CNTNAP2: variants seen among roughly 807,000 people sequenced by gnomAD.
The protein encoded by CNTNAP2 is contactin-associated protein-like 2.
CNTNAP2 carries 98 observed loss-of-function variants against 155.2 expected under a neutral mutation model. That is an observed-to-expected ratio of 0.63 (90% CI 0.54 to 0.75). The LOEUF (loss-of-function observed/expected upper bound fraction) is 0.75, where lower values mean the gene tolerates loss of function less well. Among genes scored for constraint, CNTNAP2 ranks in the 30% least tolerant of loss-of-function variants. The pLI is 0.00. For synonymous variants in CNTNAP2, 651 were observed against 631.2 expected, an observed-to-expected ratio of 1.03 and a Z score of -0.47; for missense variants, 1,727 against 1,688.1, an observed-to-expected ratio of 1.02 and a Z score of -0.40.
chr7:146,548,366 G>C (rs183742179), intron 1 of CNTNAP2, among the ~76,000 whole-genome samples: 1 of 151,826 alleles, frequency 6.6e-6, no homozygotes, highest in Non-Finnish European at 1.5e-5. Context: ...CTGGTCTATC[G>C]CAGATGGGCA....
chr7:146,356,448 T>C (rs1794999468), intron 1 of CNTNAP2, among the ~76,000 whole-genome samples: 1 of 151,948 alleles, frequency 6.6e-6, no homozygotes, highest in Non-Finnish European at 1.5e-5. Context: ...CATGTGGGGG[T>C]GTGGGAGGTG....
chr7:146,202,321 G>C (rs750035958), intron 1 of CNTNAP2, among the ~76,000 whole-genome samples: 1 of 152,020 alleles, frequency 6.6e-6, no homozygotes, highest in African/African-American at 2.4e-5. Context: ...TTAACTGATG[G>C]CTAAATGTTA....
intron 16 of CNTNAP2, among the ~76,000 whole-genome samples, chr7:148,122,420 G>C (rs1804617909): frequency 1.3e-5 from 2 of 152,194 alleles, no homozygotes; most frequent in African/African-American, 4.8e-5. Flanking sequence ...AGCCAGTAAG[G>C]TGAAGAAGTG....
chr7:147,616,963 C>T (rs147108257), intron 12 of CNTNAP2, among the ~76,000 whole-genome samples: 551 of 152,244 alleles, frequency 3.6e-3, no homozygotes, highest in Middle Eastern at 6.8e-3. Context: ...GTTTTCTACA[C>T]CCACGCCTAC....
chr7:147,397,842 C>T (rs958802505), intron 10 of CNTNAP2, among the ~76,000 whole-genome samples: 1 of 150,576 alleles, frequency 6.6e-6, no homozygotes, highest in African/African-American at 2.4e-5. Context: ...GCTAAAAGAA[C>T]AAAGTTCACA....
chr7:146,984,808 T>A (rs960538509), intron 3 of CNTNAP2, among the ~76,000 whole-genome samples: 1 of 152,214 alleles, frequency 6.6e-6, no homozygotes, highest in Non-Finnish European at 1.5e-5. Flanking sequence ...TTGCTGGCAG[T>A]GGAAATGCTA....
intron 21 of CNTNAP2, among the ~76,000 whole-genome samples, chr7:148,306,320 A>G (rs1480206675): frequency 6.6e-6 from 1 of 152,128 alleles, no homozygotes; most frequent in Admixed American, 6.5e-5. Flanking sequence ...TTCTGTTGGA[A>G]CACACATGGG....
chr7:146,632,578 AATC>A (rs1182226051), intron 1 of CNTNAP2, among the ~76,000 whole-genome samples: 2 of 152,124 alleles, frequency 1.3e-5, no homozygotes, highest in East Asian at 3.8e-4. Flanking sequence ...ATTATTCAAA[AATC>A]AACATTTTCT....
At chr7:148,393,600 A>G (rs1382150527) in intron 22 of CNTNAP2, among the ~76,000 whole-genome samples, 3 of 152,210 alleles carry the variant, frequency 2.0e-5, no homozygotes, top group Non-Finnish European at 4.4e-5. Context: ...CATTGTATCC[A>G]TGATTTTGTT....
At chr7:147,851,218 T>G (rs1397333437) in intron 13 of CNTNAP2, among the ~76,000 whole-genome samples, 2 of 151,918 alleles carry the variant, frequency 1.3e-5, no homozygotes, top group Non-Finnish European at 2.9e-5. Flanking sequence ...AAAACCACAA[T>G]GAGATACCAT....
chr7:148,329,218 A>G (rs957613607), intron 21 of CNTNAP2, among the ~76,000 whole-genome samples: 3 of 152,076 alleles, frequency 2.0e-5, no homozygotes, highest in African/African-American at 4.8e-5. Context: ...GGCCATTGCT[A>G]TGTTATTTGC....
chr7:147,082,145 C>G (rs868163379), intron 4 of CNTNAP2: 1 of 151,946 alleles, frequency 6.6e-6, no homozygotes, highest in Admixed American at 6.6e-5. Flanking sequence ...TGGGCTTTGA[C>G]CAGAAGGGAA....
chr7:146,436,044 G>A (rs902513723), intron 1 of CNTNAP2, among the ~76,000 whole-genome samples: 9 of 152,124 alleles, frequency 5.9e-5, no homozygotes, highest in African/African-American at 1.9e-4. Flanking sequence ...CTATAATGCC[G>A]ATGAGTTATT....
At chr7:147,302,746 T>C (rs369986107) in intron 9 of CNTNAP2, among the ~76,000 whole-genome samples, 1 of 152,236 alleles carries the variant, frequency 6.6e-6, no homozygotes, top group Non-Finnish European at 1.5e-5. Flanking sequence ...TTGTAAAACA[T>C]CGTCAGTCAC....
chr7:146,719,676 C>A (rs950785507), intron 1 of CNTNAP2, among the ~76,000 whole-genome samples: 2 of 151,934 alleles, frequency 1.3e-5, no homozygotes, highest in East Asian at 3.9e-4. Flanking sequence ...TCCTTGAATT[C>A]AGTTTTCAAA....
intron 12 of CNTNAP2, among the ~76,000 whole-genome samples, chr7:147,581,067 T>C (rs1316090197): frequency 6.6e-6 from 1 of 152,230 alleles, no homozygotes; most frequent in Non-Finnish European, 1.5e-5. Flanking sequence ...TAGGTGGTAC[T>C]ATTACTATTC....
chr7:148,269,314 A>G (rs1258308746), intron 21 of CNTNAP2, among the ~76,000 whole-genome samples: 1 of 152,196 alleles, frequency 6.6e-6, no homozygotes, highest in Non-Finnish European at 1.5e-5. Context: ...TGAAAACAGC[A>G]CTCAGGCACA....
chr7:148,397,425 T>C (rs1185959507), intron 22 of CNTNAP2, among the ~76,000 whole-genome samples: 2 of 152,254 alleles, frequency 1.3e-5, no homozygotes, highest in Non-Finnish European at 2.9e-5. Flanking sequence ...TTTCCCACTA[T>C]TCCTTCCTCT....
intron 8 of CNTNAP2, among the ~76,000 whole-genome samples, chr7:147,232,765 A>T (rs1368892603): frequency 6.7e-6 from 1 of 150,122 alleles, no homozygotes; most frequent in Non-Finnish European, 1.5e-5. Flanking sequence ...TCTGACATTG[A>T]TCTTGGTAAT....
Sources: allele counts gnomAD v4.1 joint callset (sites outside exome capture counted in the v4.1 genomes callset), GRCh38; gene constraint gnomAD v4.1.1; transcripts MANE v1.5; gene names NCBI Gene and HGNC (gene_info 2026-07-23, HGNC 2026-07-21).